Variants in FAM227B observed in about 807,000 individuals in gnomAD.
The protein encoded by FAM227B is family with sequence similarity 227 member B, also known as protein FAM227B.
In FAM227B, 88 loss-of-function variants were observed where a neutral mutation model predicts 73.8. The ratio of observed to expected loss-of-function variants is 1.19; its 90% CI spans 1.00 to 1.42. The LOEUF (loss-of-function observed/expected upper bound fraction) is 1.42. Among genes scored for constraint, FAM227B ranks in the 40% most tolerant of loss-of-function variants. FAM227B has a pLI of 0.00. For synonymous variants in FAM227B, 210 were observed against 190.5 expected (o/e 1.10, Z -0.84); for missense variants, 632 against 590.9 (o/e 1.07, Z -0.72).
chr15:49,341,770 A>G (rs1321010678), intron 13 of FAM227B, among the ~76,000 whole-genome samples: 2 of 151,984 alleles, frequency 1.3e-5, no homozygotes, highest in Non-Finnish European at 2.9e-5. Flanking sequence ...TCTTTTAAAT[A>G]TTTTTTTCCT....
chr15:49,578,199 T>C (rs11070708), intron 5 of FAM227B, among the ~76,000 whole-genome samples: 94,388 of 152,044 alleles, frequency 0.62, 30,828 homozygotes, highest in Non-Finnish European at 0.73. Context: ...CAACTTGAGC[T>C]GTCACTGGAT....
intron 9 of FAM227B, among the ~76,000 whole-genome samples, chr15:49,544,561 G>A (rs1249322660): frequency 6.6e-6 from 1 of 152,122 alleles, no homozygotes; most frequent in East Asian, 1.9e-4. Context: ...AGTGGTGAAA[G>A]TGGGCATCCT....
chr15:49,560,898 A>G (rs762561090), intron 9 of FAM227B, among the ~76,000 whole-genome samples: 21 of 152,196 alleles, frequency 1.4e-4, no homozygotes, highest in Non-Finnish European at 4.4e-5. Flanking sequence ...GTAGAAACAA[A>G]AAAATGACAC....
At chr15:49,503,559 G>T (rs1455047113) in intron 11 of FAM227B, among the ~76,000 whole-genome samples, 1 of 152,038 alleles carries the variant, frequency 6.6e-6, no homozygotes. Flanking sequence ...ACTCTACAAA[G>T]AACTCAAACA....
At chr15:49,613,248 C>T (rs1364338012) in intron 2 of FAM227B, among the ~76,000 whole-genome samples, 3 of 152,178 alleles carry the variant, frequency 2.0e-5, no homozygotes, top group African/African-American at 4.8e-5. Flanking sequence ...GGCATGGTGG[C>T]TCACGCCTGT....
chr15:49,376,658 A>C (rs886192194), intron 11 of FAM227B, among the ~76,000 whole-genome samples: 4 of 152,084 alleles, frequency 2.6e-5, no homozygotes, highest in Admixed American at 2.6e-4. Flanking sequence ...GGTAGCTAGA[A>C]TTTAATAGGC....
chr15:49,465,605 T>A (rs931099745), intron 11 of FAM227B, among the ~76,000 whole-genome samples: 2 of 152,178 alleles, frequency 1.3e-5, no homozygotes, highest in Non-Finnish European at 2.9e-5. Flanking sequence ...GAGAGACCTA[T>A]AATTGATTGA....
intron 11 of FAM227B, among the ~76,000 whole-genome samples, chr15:49,494,788 C>A (rs2057454687): frequency 6.6e-6 from 1 of 152,108 alleles, no homozygotes; most frequent in Admixed American, 6.5e-5. Context: ...AGCTGTTAAG[C>A]ACTCAGTAAA....
At chr15:49,393,927 G>A (rs975165705) in intron 11 of FAM227B, among the ~76,000 whole-genome samples, 1 of 152,158 alleles carries the variant, frequency 6.6e-6, no homozygotes, top group Admixed American at 6.5e-5. Flanking sequence ...ATACTATAGT[G>A]GAATGTGCAT....
At chr15:49,561,850 T>C (rs1308975635) in intron 9 of FAM227B, among the ~76,000 whole-genome samples, 3 of 152,120 alleles carry the variant, frequency 2.0e-5, no homozygotes, top group Non-Finnish European at 4.4e-5. Flanking sequence ...GCCAAAGCAA[T>C]GTTAAGAGCA....
intron 11 of FAM227B, chr15:49,484,468 A>G: frequency 6.3e-7 from 1 of 1,575,826 alleles, no homozygotes; most frequent in Non-Finnish European, 8.5e-7. Flanking sequence ...AGAAAGAACA[A>G]AAAACAGCCC....
intron 10 of FAM227B, among the ~76,000 whole-genome samples, chr15:49,530,174 G>C (rs1355738929): frequency 6.6e-6 from 1 of 151,596 alleles, no homozygotes; most frequent in Non-Finnish European, 1.5e-5. Context: ...TACGTATTTA[G>C]AAAACAATAT....
At chr15:49,436,256 T>C (rs1567271478) in intron 11 of FAM227B, among the ~76,000 whole-genome samples, 1 of 151,618 alleles carries the variant, frequency 6.6e-6, no homozygotes, top group African/African-American at 2.4e-5. Context: ...ACAATGTTGA[T>C]TGTTTTCTGA....
intron 11 of FAM227B, among the ~76,000 whole-genome samples, chr15:49,455,315 C>T (rs981543260): frequency 1.3e-5 from 2 of 152,104 alleles, no homozygotes; most frequent in African/African-American, 4.8e-5. Flanking sequence ...ATTCATCTAG[C>T]ATGAAAATCA....
In FAM227B at chr15:49,597,751, A is replaced by G. The variant is rs2076965170; in HGVS notation, c.106-7744T>C. On this transcript the variant is annotated intron_variant, in intron 3 of 15. Coordinates refer to ENST00000299338, the MANE Select transcript of FAM227B (RefSeq NM_152647.3). ...GAGATTAAGCAAGAAAAGAAGAGAG[A>G]AGATCCAAATAAGCTCAATTAGGAA... 2.6e-5 allele frequency among the ~76,000 whole-genome samples: 4 copies of G among 152,194 alleles called. No homozygotes were observed. The East Asian group carries it at 5.8e-4, about 22-fold the overall frequency.
intron 11 of FAM227B, among the ~76,000 whole-genome samples, chr15:49,385,644 C>T (rs913603639): frequency 4.7e-5 from 7 of 150,212 alleles, no homozygotes; most frequent in African/African-American, 1.7e-4. Flanking sequence ...AGAACAGCAC[C>T]TTACATCTCA....
At chr15:49,456,543 A>G (rs907179171) in intron 11 of FAM227B, among the ~76,000 whole-genome samples, 3 of 152,182 alleles carry the variant, frequency 2.0e-5, no homozygotes, top group Non-Finnish European at 4.4e-5. Flanking sequence ...CTGGATATAT[A>G]TAAAAATAAG....
intron 11 of FAM227B, among the ~76,000 whole-genome samples, chr15:49,387,151 G>A (rs1465311505): frequency 6.6e-6 from 1 of 151,704 alleles, no homozygotes; most frequent in African/African-American, 2.4e-5. Flanking sequence ...TATGAAGCTA[G>A]TATCATTCTG....
chr15:49,422,120 T>TAGAGAGAGAG (rs3075167), intron 11 of FAM227B, among the ~76,000 whole-genome samples: 7,117 of 134,122 alleles, frequency 0.053, 493 homozygotes, highest in African/African-American at 0.16. Context: ...GCATTTCACA[T>TAGAGAGAGAG]AGAGAGAGAG....
Sources: allele counts gnomAD v4.1 joint callset (sites outside exome capture counted in the v4.1 genomes callset), GRCh38; gene constraint gnomAD v4.1.1; transcripts MANE v1.5; gene names NCBI Gene and HGNC (gene_info 2026-07-23, HGNC 2026-07-21).